Variants in ZDHHC1 observed in about 807,000 individuals in gnomAD.
ZDHHC1 encodes the protein palmitoyltransferase ZDHHC1.
In ZDHHC1, 45 loss-of-function variants were observed where a neutral mutation model predicts 46.9. That is an observed-to-expected ratio of 0.96 (90% CI 0.76 to 1.23). ZDHHC1 has a LOEUF of 1.23. Among genes scored for constraint, ZDHHC1 ranks in the 50% most tolerant of loss-of-function variants. The pLI is 0.00. For synonymous variants in ZDHHC1, 291 were observed against 286.0 expected (o/e 1.02, Z -0.18); for missense variants, 649 against 670.8 (o/e 0.97, Z 0.36).
At chr16:67,414,164 C>T (rs1472295836) in intron 1 of ZDHHC1, among the ~76,000 whole-genome samples, 1 of 152,174 alleles carries the variant, frequency 6.6e-6, no homozygotes, top group Non-Finnish European at 1.5e-5. Flanking sequence ...AGGTTATTGA[C>T]TTTAACCAGG....
Position 67,394,656 on chromosome 16 carries a change from C to A in ZDHHC1, c.1403G>T (p.Ser468Ile). The A allele has an allele frequency of 8.1e-7, 1 of 1,237,910 alleles. No homozygotes were observed. The highest frequency in any genetic ancestry group is 1.0e-6 in the Non-Finnish European group (1 of 992,528). 76.7% of individuals were successfully genotyped at this position (1,237,910 alleles called of 1,614,324 possible). A position where few individuals can be genotyped will look rare whatever the true frequency, so the allele number is the denominator to read the frequency against. ...RAPAVFVSPS[S>I]GEPRAPGGRE... ...GCCGCCCGGCGCCCTGGGCTCGCCG[C>A]TGCTCGGGCTCACGAAAACGGCGGG... The change falls in exon 12 of 12, where the codon AGC (serine) becomes ATC (isoleucine). Residue 468 changes from serine (S) to isoleucine (I), a missense_variant. Physicochemically the swap from Ser to Ile is moderately radical, Grantham distance 142. Coordinates refer to ENST00000565726, the MANE Select transcript of ZDHHC1 (RefSeq NM_001323627.2).
chr16:67,406,333 CG>C lies in ZDHHC1; in HGVS notation c.118del (p.Arg40AlafsTer25). The C allele has an allele frequency of 1.3e-6, 2 of 1,596,088 alleles. No individual in the cohort carries two copies. The highest frequency in any genetic ancestry group is 2.3e-5 in the South Asian group (2 of 88,272). On this transcript the variant is annotated frameshift_variant, in exon 3 of 12. Transcript: ENST00000565726. LOFTEE classifies it high-confidence loss of function. This position sits in a 1 kb window ranked among gnomAD's most constrained non-coding sequence, Gnocchi z 4.1. ...PSPELQGQRSRRNGWSWPPHP... is the reference protein window; with the variant it reads ...PSPELQGQRSXRNGWSWPPHP... Reference sequence around the variant, plus strand: ...AGGGGGCCAGCTCCACCCATTCCGGCGGGATCGCTGGCCCTGCAGCTCAGGG... The same window carrying C: ...AGGGGGCCAGCTCCACCCATTCCGGCGGATCGCTGGCCCTGCAGCTCAGGG...
intron 1 of ZDHHC1, among the ~76,000 whole-genome samples, chr16:67,411,548 T>C (rs2040748023): frequency 6.6e-6 from 1 of 152,188 alleles, no homozygotes; most frequent in Non-Finnish European, 1.5e-5. Context: ...CTGGCGAAAC[T>C]TTAGAACATA....
chr16:67,410,517 G>A lies in ZDHHC1; in HGVS notation c.-38-2704C>T, dbSNP rs371118719. 1.6e-4 allele frequency among the ~76,000 whole-genome samples: 24 copies of A among 152,272 alleles called. 1 individual carries two copies. The highest frequency in any genetic ancestry group is 1.3e-3 in the Admixed American group (20 of 15,298). On this transcript the variant is annotated intron_variant, in intron 1 of 11. Coordinates refer to ENST00000565726, the MANE Select transcript of ZDHHC1 (RefSeq NM_001323627.2). ...TCTGAGGCAGGCAGGAGGGGCTGTG[G>A]AGGCCCCTCCCTTATCCCCCACAAG...
intron 1 of ZDHHC1, among the ~76,000 whole-genome samples, chr16:67,410,929 A>G (rs1432338728): frequency 6.6e-6 from 1 of 152,034 alleles, no homozygotes; most frequent in South Asian, 2.1e-4. Context: ...CGGCCTCCCA[A>G]AGTGCTAGGA....
Position 67,399,372 on chromosome 16 carries a change from C to A in ZDHHC1, c.513G>T (p.Val171=). 1 of 1,613,200 alleles carries A rather than the reference C, an allele frequency of 6.2e-7. No homozygotes were observed. The highest frequency in any genetic ancestry group is 8.5e-7 in the Non-Finnish European group (1 of 1,179,742). Residue 171 remains valine (V), a synonymous_variant, in exon 5 of 12, where the codon GTG becomes GTT. Transcript: ENST00000565726. ...GTCCTCACCGGTAGTTCCGCTCGCC[C>A]ACACAGTTGTTGAGCCACTTGCAGT... The part of the protein sequence containing the change: ...DHHCKWLNNC[V]GERNYRLFLH...
At chr16:67,410,131 G>A (rs2040727425) in intron 1 of ZDHHC1, among the ~76,000 whole-genome samples, 1 of 152,198 alleles carries the variant, frequency 6.6e-6, no homozygotes, top group South Asian at 2.1e-4. Flanking sequence ...TGGAGGCAAA[G>A]CAGGCTGAAG....
Position 67,406,299 on chromosome 16 carries a change from G to C in ZDHHC1, c.153C>G (p.Leu51=). The part of the protein sequence containing the change: ...RNGWSWPPHP[L]QIVAWLLYLF... ...GGTACAGCAGCCAGGCCACAATCTGGAGCGGGTGAGGGGGCCAGCTCCACC... is the reference window on the plus strand; with the variant it reads ...GGTACAGCAGCCAGGCCACAATCTGCAGCGGGTGAGGGGGCCAGCTCCACC... The change falls in exon 3 of 12, where the codon CTC becomes CTG. Residue 51 remains leucine, a synonymous_variant. Coordinates refer to ENST00000565726, the MANE Select transcript of ZDHHC1 (RefSeq NM_001323627.2). This position sits in a 1 kb window ranked among gnomAD's most constrained non-coding sequence, Gnocchi z 4.1. 1.2e-6 allele frequency: 2 copies of C among 1,608,432 alleles called. No homozygotes were observed. The highest frequency in any genetic ancestry group is 1.7e-6 in the Non-Finnish European group (2 of 1,177,670).
chr16:67,396,880 C>T (rs1306827013), intron 8 of ZDHHC1, among the ~76,000 whole-genome samples: 2 of 152,200 alleles, frequency 1.3e-5, no homozygotes, highest in African/African-American at 4.8e-5. Flanking sequence ...TAGAGGAGGT[C>T]TCAGAAGCTG....
rs769069403 is a variant in ZDHHC1, at chr16:67,406,410, C to T, written c.42G>A (p.Thr14=). The change falls in exon 3 of 12, where the codon ACG becomes ACA. Residue 14 remains threonine, a synonymous_variant. Transcript: ENST00000565726. The surrounding 1 kb of genome is among the most constrained non-coding windows in gnomAD (Gnocchi z 4.1). ...CCGTCCACACACTCTTCTCAGGGGC[C>T]GTCTTGTTGGAGGGCTTGTTGCAGA... ...MNICNKPSNK[T]APEKSVWTAP... 3.8e-6 allele frequency: 6 copies of T among 1,562,516 alleles called. No individual in the cohort carries two copies. Among genetic ancestry groups the T allele is most frequent in the South Asian group, 1.2e-5 (1 of 84,692 alleles).
At chr16:67,404,720 A>C (rs762055152) in intron 3 of ZDHHC1, 3 of 455,842 alleles carry the variant, frequency 6.6e-6, no homozygotes, top group Non-Finnish European at 1.3e-5. Context: ...CAGCTTCTTC[A>C]TTAGGAAATG....
intron 1 of ZDHHC1, 93 bp from the exon 2 acceptor site, chr16:67,407,906 C>G: frequency 1.4e-6 from 1 of 692,852 alleles, no homozygotes; most frequent in South Asian, 1.5e-5. Context: ...TTCCATCCAT[C>G]CAGCCCTGCC....
Position 67,406,241 on chromosome 16 carries a change from C to G in ZDHHC1, c.211G>C (p.Val71Leu). 6.2e-7 allele frequency: 1 copy of G among 1,613,362 alleles called. No homozygotes were observed. Among genetic ancestry groups the G allele is most frequent in the Non-Finnish European group, 8.5e-7 (1 of 1,179,786 alleles). ...FFAVIGFGIL[V>L]PLLPHHWVPA... ...ACCCAGTGGTGAGGCAGGAGGGGAA[C>G]AAGGATCCCAAAGCCGATCACAGCA... The change falls in exon 3 of 12, where the codon GTT becomes CTT. Residue 71 changes from valine (V) to leucine (L), a missense_variant. Transcript: ENST00000565726. This position sits in a 1 kb window ranked among gnomAD's most constrained non-coding sequence, Gnocchi z 4.1.
intron 11 of ZDHHC1, 27 bp from the exon 12 acceptor site, chr16:67,394,920 C>T: frequency 6.4e-7 from 1 of 1,569,126 alleles, no homozygotes; most frequent in Non-Finnish European, 8.6e-7. Flanking sequence ...AACATGAGCC[C>T]AGTGGCTGCG....
Position 67,401,592 on chromosome 16 carries a change from G to A in ZDHHC1, c.253-460C>T, listed in dbSNP as rs955161054. ...TTCATAGGAAGTCACCTCCAAAAGG[G>A]ATGCAGCCACCCCCCTTTTCAGTAG... is the stretch of plus-strand genomic sequence containing the variant. On this transcript the variant is annotated intron_variant, in intron 3 of 11. Coordinates refer to ENST00000565726, the MANE Select transcript of ZDHHC1 (RefSeq NM_001323627.2). The surrounding 1 kb of genome is among the most constrained non-coding windows in gnomAD (Gnocchi z 4.6). 8.5e-5 allele frequency among the ~76,000 whole-genome samples: 13 copies of A among 152,286 alleles called. 1 individual carries two copies. The South Asian group carries it at 2.7e-3, about 32-fold the overall frequency.
chr16:67,412,312 C>T (rs2040760235), intron 1 of ZDHHC1, among the ~76,000 whole-genome samples: 1 of 151,008 alleles, frequency 6.6e-6, no homozygotes, highest in Admixed American at 6.6e-5. Flanking sequence ...ATATTTTTAT[C>T]ATGAGCATGT....
In ZDHHC1 at chr16:67,395,079, G is replaced by T. The variant is rs754294350; in HGVS notation, c.1105-17C>A. 8.1e-6 allele frequency: 13 copies of T among 1,613,296 alleles called. No individual in the cohort carries two copies. The highest frequency in any genetic ancestry group is 1.1e-5 in the Non-Finnish European group (13 of 1,179,942). ...CCTCTTTTTCTGCAGAGACACGGGG[G>T]AGCCTGAGGGCCCCACATCGCCAAA... On this transcript the variant is annotated splice_polypyrimidine_tract_variant and intron_variant, in intron 10 of 11. Transcript: ENST00000565726.
intron 3 of ZDHHC1, among the ~76,000 whole-genome samples, chr16:67,404,984 G>A (rs1024620060): frequency 6.6e-6 from 1 of 152,218 alleles, no homozygotes; most frequent in Non-Finnish European, 1.5e-5. Flanking sequence ...CAGGAGGAAT[G>A]TCCCATGACG....
At chr16:67,411,247 A>G (rs2040743796) in intron 1 of ZDHHC1, among the ~76,000 whole-genome samples, 1 of 152,144 alleles carries the variant, frequency 6.6e-6, no homozygotes, top group African/African-American at 2.4e-5. Context: ...TTAATTACTA[A>G]AGAGGGTTTG....
Sources: allele counts gnomAD v4.1 joint callset (sites outside exome capture counted in the v4.1 genomes callset), GRCh38; gene constraint gnomAD v4.1.1; non-coding constraint Gnocchi (gnomAD v3.1); transcripts MANE v1.5; gene names NCBI Gene and HGNC (gene_info 2026-07-23, HGNC 2026-07-21).